CADM2: variants seen among roughly 807,000 people sequenced by gnomAD.
CADM2 encodes the protein cell adhesion molecule 2, also known as immunoglobulin superfamily member 4D.
In CADM2, 12 loss-of-function variants were observed where a neutral mutation model predicts 49.8. That is an observed-to-expected ratio of 0.24 (90% CI 0.15 to 0.39). The LOEUF (loss-of-function observed/expected upper bound fraction) is 0.39, where lower values mean the gene tolerates loss of function less well. CADM2 is among the 10% of genes least tolerant of loss of function. The pLI is 1.00. For missense variants in CADM2, 378 were observed against 492.3 expected, an observed-to-expected ratio of 0.77 and a Z score of 2.20; for synonymous variants, 214 against 175.4, an observed-to-expected ratio of 1.22 and a Z score of -1.74.
intron 8 of CADM2, among the ~76,000 whole-genome samples, chr3:86,000,758 A>C (rs1409365195): frequency 2.0e-5 from 3 of 152,186 alleles, no homozygotes; most frequent in Non-Finnish European, 4.4e-5. Flanking sequence ...TTGTCACAAA[A>C]ATGATATGAA....
chr3:85,898,777 T>G (rs1185544798), intron 5 of CADM2, among the ~76,000 whole-genome samples: 1 of 151,190 alleles, frequency 6.6e-6, no homozygotes, highest in Non-Finnish European at 1.5e-5. Context: ...TGAACATTTG[T>G]GGGTACAATT....
chr3:85,628,006 A>G (rs1299980872), intron 1 of CADM2, among the ~76,000 whole-genome samples: 1 of 151,962 alleles, frequency 6.6e-6, no homozygotes, highest in Admixed American at 6.6e-5. Context: ...CACTTCCCCA[A>G]GTGCTGGAGT....
chr3:85,074,636 T>G (rs1468805484), intron 1 of CADM2, among the ~76,000 whole-genome samples: 1 of 152,130 alleles, frequency 6.6e-6, no homozygotes, highest in Non-Finnish European at 1.5e-5. Context: ...ATTTGCAACC[T>G]GAGGTAGCAA....
At chr3:85,683,661 A>T (rs1305045850) in intron 1 of CADM2, among the ~76,000 whole-genome samples, 1 of 152,132 alleles carries the variant, frequency 6.6e-6, no homozygotes, top group Non-Finnish European at 1.5e-5. Flanking sequence ...ATATTATGAA[A>T]TTTTCAAATT....
chr3:85,815,856 C>G (rs1299315488), intron 3 of CADM2, among the ~76,000 whole-genome samples: 1 of 152,136 alleles, frequency 6.6e-6, no homozygotes, highest in Non-Finnish European at 1.5e-5. Flanking sequence ...CTCATCATCT[C>G]AGCCTGAAAT....
chr3:85,486,561 T>G (rs1292515780), intron 1 of CADM2, among the ~76,000 whole-genome samples: 1 of 152,162 alleles, frequency 6.6e-6, no homozygotes, highest in Non-Finnish European at 1.5e-5. Context: ...ATGCTATCCT[T>G]TCCCATTCTC....
At chr3:85,202,796 T>G (rs2041540003) in intron 1 of CADM2, among the ~76,000 whole-genome samples, 1 of 152,232 alleles carries the variant, frequency 6.6e-6, no homozygotes, top group African/African-American at 2.4e-5. Context: ...TAAGCCTGTT[T>G]TGTCTACATG....
chr3:85,054,072 G>C (rs917684663), intron 1 of CADM2, among the ~76,000 whole-genome samples: 2 of 151,952 alleles, frequency 1.3e-5, no homozygotes, highest in East Asian at 3.9e-4. Flanking sequence ...GTTGTCATCA[G>C]TATTTACCGA....
intron 2 of CADM2, among the ~76,000 whole-genome samples, chr3:85,772,008 CTTTTTTTT>C (rs397938377): frequency 3.6e-5 from 4 of 112,222 alleles, no homozygotes; most frequent in Non-Finnish European, 7.4e-5. Context: ...TTCTTTCTTT[CTTTTTTTT>C]TTTTTTTTTT....
chr3:85,929,932 C>G (rs925020208), intron 6 of CADM2, among the ~76,000 whole-genome samples: 1 of 151,866 alleles, frequency 6.6e-6, no homozygotes, highest in Non-Finnish European at 1.5e-5. Context: ...AGATCTTTAT[C>G]AAAACCAAAA....
At chr3:85,748,457 A>G (rs578122197) in intron 2 of CADM2, among the ~76,000 whole-genome samples, 1 of 152,120 alleles carries the variant, frequency 6.6e-6, no homozygotes, top group East Asian at 1.9e-4. Context: ...TCTGATGGGT[A>G]TCTGTGTTTG....
intron 1 of CADM2, among the ~76,000 whole-genome samples, chr3:85,448,324 T>C (rs1284590781): frequency 1.9e-4 from 17 of 89,048 alleles, no homozygotes; most frequent in South Asian, 1.3e-3. Flanking sequence ...CAGAGCAAGA[T>C]TCCGTCTCAA....
At chr3:85,772,980 T>C (rs534784296) in intron 2 of CADM2, among the ~76,000 whole-genome samples, 28 of 151,874 alleles carry the variant, frequency 1.8e-4, no homozygotes, top group African/African-American at 6.3e-4. Flanking sequence ...GTGATAAATA[T>C]ATTAGTTAGG....
At chr3:85,605,189 T>C (rs2063511835) in intron 1 of CADM2, among the ~76,000 whole-genome samples, 1 of 151,972 alleles carries the variant, frequency 6.6e-6, no homozygotes, top group Non-Finnish European at 1.5e-5. Flanking sequence ...ATTAAAGAGC[T>C]CTCAGCATGT....
intron 1 of CADM2, among the ~76,000 whole-genome samples, chr3:85,116,629 A>T (rs2038648508): frequency 1.3e-5 from 2 of 152,236 alleles, no homozygotes; most frequent in South Asian, 4.1e-4. Flanking sequence ...AAGCAATTTT[A>T]TTTTAATATT....
intron 1 of CADM2, among the ~76,000 whole-genome samples, chr3:85,687,932 G>A (rs550517476): frequency 3.9e-5 from 6 of 152,298 alleles, no homozygotes; most frequent in Non-Finnish European, 8.8e-5. Context: ...ATGGCATTGG[G>A]TTCTCATAGG....
At chr3:85,378,180 A>C (rs946110739) in intron 1 of CADM2, among the ~76,000 whole-genome samples, 1 of 152,036 alleles carries the variant, frequency 6.6e-6, no homozygotes, top group Non-Finnish European at 1.5e-5. Flanking sequence ...TTTGTCCTCA[A>C]AACAAAATCT....
chr3:85,010,048 C>T (rs2033916872), intron 1 of CADM2, among the ~76,000 whole-genome samples: 2 of 151,536 alleles, frequency 1.3e-5, no homozygotes, highest in African/African-American at 4.8e-5. Flanking sequence ...CTTTTTTTTG[C>T]AAAATCCACT....
At chr3:85,597,062 G>C (rs1339626948) in intron 1 of CADM2, among the ~76,000 whole-genome samples, 1 of 152,006 alleles carries the variant, frequency 6.6e-6, no homozygotes, top group Non-Finnish European at 1.5e-5. Context: ...CAGAAGTTCT[G>C]AAAGTTTTCT....
Sources: gnomAD v4.1 joint callset for allele counts (sites outside exome capture counted in the v4.1 genomes callset) on GRCh38, gnomAD v4.1.1 for gene constraint, MANE v1.5 for transcripts, NCBI Gene and HGNC (gene_info 2026-07-23, HGNC 2026-07-21) for gene names.